ARHGEF10L: variants seen among roughly 807,000 people sequenced by gnomAD.
ARHGEF10L encodes Rho guanine nucleotide exchange factor 10 like.
Under a neutral mutation model 141.2 loss-of-function variants are expected in ARHGEF10L, and 69 were observed. The observed-to-expected ratio is 0.49, with a 90% CI of 0.40 to 0.60. The LOEUF is 0.60. ARHGEF10L is among the 20% of genes least tolerant of loss of function. ARHGEF10L has a pLI of 0.00. For missense variants in ARHGEF10L, 1,482 were observed against 1,734.3 expected (o/e 0.85, Z 2.58); for synonymous variants, 711 against 718.5 (o/e 0.99, Z 0.17).
chr1:17,593,660 G>A (rs1193339), intron 4 of ARHGEF10L, among the ~76,000 whole-genome samples: 129,715 of 152,046 alleles, frequency 0.85, 56,176 homozygotes, highest in Non-Finnish European at 0.93. Context: ...CTCGCTTTTA[G>A]TGAGAGCACA....
intron 3 of ARHGEF10L, 82 bp downstream of exon 3, chr1:17,587,727 G>GC: frequency 7.0e-7 from 1 of 1,438,416 alleles, no homozygotes; most frequent in Non-Finnish European, 9.3e-7. Flanking sequence ...TCTCAGGGAT[G>GC]CCTGGTGGCC....
chr1:17,548,671 T>TTTTTA (rs1235204359), intron 1 of ARHGEF10L, among the ~76,000 whole-genome samples: 1 of 146,900 alleles, frequency 6.8e-6, no homozygotes. Context: ...TTTTTTTTTT[T>TTTTTA]GAGACAGCAT....
the ARHGEF10L span, among the ~76,000 whole-genome samples, chr1:17,520,523 G>C: frequency 9.9e-5 from 15 of 152,230 alleles, no homozygotes; most frequent in Non-Finnish European, 2.1e-4. Flanking sequence ...ATCTTTTGGA[G>C]GTCGTGGGGG....
chr1:17,685,176 A>G (rs2064459402), intron 26 of ARHGEF10L, among the ~76,000 whole-genome samples: 1 of 152,224 alleles, frequency 6.6e-6, no homozygotes, highest in Admixed American at 6.5e-5. Flanking sequence ...CGGGGGCTGG[A>G]CAAAGAAGCC....
chr1:17,579,009 G>T (rs1438784708), intron 1 of ARHGEF10L, among the ~76,000 whole-genome samples: 2 of 151,964 alleles, frequency 1.3e-5, no homozygotes, highest in Non-Finnish European at 2.9e-5. Flanking sequence ...AGGGTGGGAG[G>T]TTGACTAACT....
the ARHGEF10L span, among the ~76,000 whole-genome samples, chr1:17,519,898 C>T: frequency 2.0e-5 from 3 of 152,048 alleles, no homozygotes; most frequent in Non-Finnish European, 4.4e-5. Context: ...TGCATGATGT[C>T]ACATGGCTGG....
chr1:17,633,164 C>A (rs1005068641), intron 16 of ARHGEF10L, among the ~76,000 whole-genome samples: 3 of 152,208 alleles, frequency 2.0e-5, no homozygotes, highest in South Asian at 2.1e-4. Context: ...GTGGGCCTGG[C>A]ACTGGGGCTT....
In ARHGEF10L at chr1:17,573,512, C is replaced by T. The variant is rs1299229248; in HGVS notation, c.-43-7041C>T. ...GTGGCTTCCTCCGGCACTTCAGCTT[C>T]TTCACTCCTTCTGCTGGGCTGGATC... On this transcript the variant is annotated intron_variant, in intron 1 of 28. Coordinates refer to ENST00000361221, the MANE Select transcript of ARHGEF10L (RefSeq NM_018125.4). The surrounding 1 kb of genome is among the most constrained non-coding windows in gnomAD (Gnocchi z 4.8). Among the ~76,000 whole-genome samples, 4 of 152,148 alleles carry T rather than the reference C, an allele frequency of 2.6e-5. No individual in the cohort carries two copies. The highest frequency in any genetic ancestry group is 6.5e-5 in the Admixed American group (1 of 15,280).
At chr1:17,686,122 T>C (rs1446981673) in intron 26 of ARHGEF10L, among the ~76,000 whole-genome samples, 1 of 149,994 alleles carries the variant, frequency 6.7e-6, no homozygotes, top group Non-Finnish European at 1.5e-5. Context: ...TTTTTGCATT[T>C]TCTGTAGCAT....
At chr1:17,649,752 G>A (rs1392346667) in intron 22 of ARHGEF10L, among the ~76,000 whole-genome samples, 3 of 152,220 alleles carry the variant, frequency 2.0e-5, no homozygotes, top group African/African-American at 7.2e-5. Flanking sequence ...TACGTGGGTG[G>A]GCTGAGGTTC....
chr1:17,697,751 C>T lies in ARHGEF10L; in HGVS notation c.*371C>T, dbSNP rs1243247037. On this transcript the variant is annotated 3_prime_UTR_variant, in exon 29 of 29. Coordinates refer to ENST00000361221, the MANE Select transcript of ARHGEF10L (RefSeq NM_018125.4). This position sits in a 1 kb window ranked among gnomAD's most constrained non-coding sequence, Gnocchi z 4.8. ...GTGTGAGTGTGTGCGAGTGTGTGGG[C>T]TGGTGTGTGAATATCTATAAATAAG... 1 of 470,866 alleles carries T rather than the reference C, an allele frequency of 2.1e-6. No individual in the cohort carries two copies. The allele number at this position is 470,866 out of a possible 1,614,324, so 29.2% of individuals were successfully genotyped here.
rs2078087621 is a variant in ARHGEF10L, at chr1:17,573,383, T to A, written c.-43-7170T>A. Among the ~76,000 whole-genome samples the A allele has an allele frequency of 6.6e-6, 1 of 152,140 alleles. No individual in the cohort carries two copies. Among genetic ancestry groups the A allele is most frequent in the Non-Finnish European group, 1.5e-5 (1 of 68,020 alleles). ...TGCCAGCTGCTGTCCCCTCTCTGGC[T>A]TCCAGGTGGGAGCCACGGTGCCCCA... is the stretch of plus-strand genomic sequence containing the variant. On this transcript the variant is annotated intron_variant, in intron 1 of 28. Coordinates refer to ENST00000361221, the MANE Select transcript of ARHGEF10L (RefSeq NM_018125.4). The surrounding 1 kb of genome is among the most constrained non-coding windows in gnomAD (Gnocchi z 4.8).
chr1:17,619,343 C>T lies in ARHGEF10L; in HGVS notation c.840C>T (p.Asp280=), dbSNP rs760284537. ...TCGGCCCATCTGACTTTCCAGGTGA[C>T]TCGGAGGAGGAGGACATGGGGCTCC... The part of the protein sequence containing the change: ...SFLHRKDVLG[D]SEEEDMGLLE... Residue 280 remains aspartate (D), a synonymous_variant, in exon 10 of 29, where the codon GAC becomes GAT. Coordinates refer to ENST00000361221, the MANE Select transcript of ARHGEF10L (RefSeq NM_018125.4). The surrounding 1 kb of genome is among the most constrained non-coding windows in gnomAD (Gnocchi z 5.0). 10 of 1,613,068 alleles carry T rather than the reference C, an allele frequency of 6.2e-6. No individual in the cohort carries two copies. Among genetic ancestry groups the T allele is most frequent in the Non-Finnish European group, 7.6e-6 (9 of 1,179,872 alleles).
chr1:17,579,716 G>A (rs2078396403), intron 1 of ARHGEF10L, among the ~76,000 whole-genome samples: 1 of 152,182 alleles, frequency 6.6e-6, no homozygotes, highest in Non-Finnish European at 1.5e-5. Flanking sequence ...TTAGACCAGG[G>A]GGCTGGGTGC....
chr1:17,602,222 A>C lies in ARHGEF10L; in HGVS notation c.349+4A>C. The stretch of plus-strand genomic sequence containing the variant: ...AAGCGGAAGAGTTCCCGTCGCAGTA[A>C]GTCTCCCCTCCGGCCCACCGCCCAC... On this transcript the variant is annotated splice_donor_region_variant and intron_variant, in intron 5 of 28. Transcript: ENST00000361221. The C allele has an allele frequency of 6.4e-7, 1 of 1,563,860 alleles. No individual in the cohort carries two copies. Among genetic ancestry groups the C allele is most frequent in the Non-Finnish European group, 8.7e-7 (1 of 1,154,008 alleles).
At chr1:17,674,118 G>A (rs869526) in intron 26 of ARHGEF10L, among the ~76,000 whole-genome samples, 7,292 of 152,300 alleles carry the variant, frequency 0.048, 299 homozygotes, top group Non-Finnish European at 0.068. Flanking sequence ...TTGTCCTGCA[G>A]TGCAAGTACA....
chr1:17,582,395 C>T (rs553376063), intron 2 of ARHGEF10L, among the ~76,000 whole-genome samples: 1 of 152,362 alleles, frequency 6.6e-6, no homozygotes, highest in African/African-American at 2.4e-5. Flanking sequence ...TCTAATATTG[C>T]TGGCTAGTAT....
At chr1:17,637,131 C>T (rs1019317332) in intron 18 of ARHGEF10L, among the ~76,000 whole-genome samples, 21 of 152,222 alleles carry the variant, frequency 1.4e-4, no homozygotes, top group African/African-American at 3.6e-4. Flanking sequence ...TCATAAGCTC[C>T]GGAAGAATGA....
rs1390843642 is a variant in ARHGEF10L, at chr1:17,625,343, C to A, written c.1318-613C>A. Among the ~76,000 whole-genome samples, 2 of 152,160 alleles carry A rather than the reference C, an allele frequency of 1.3e-5. No homozygotes were observed. The highest frequency in any genetic ancestry group is 2.9e-5 in the Non-Finnish European group (2 of 68,012). On this transcript the variant is annotated intron_variant, in intron 13 of 28. Coordinates refer to ENST00000361221, the MANE Select transcript of ARHGEF10L (RefSeq NM_018125.4). This position sits in a 1 kb window ranked among gnomAD's most constrained non-coding sequence, Gnocchi z 4.5. ...GTTGGGGAGTCCCAGGAGAGAAGGC[C>A]TGAGTGTGCACACTAAGAGGCGGCT...
Sources: gnomAD v4.1 joint callset for allele counts (sites outside exome capture counted in the v4.1 genomes callset) on GRCh38, gnomAD v4.1.1 for gene constraint, Gnocchi (gnomAD v3.1) non-coding constraint, MANE v1.5 for transcripts, NCBI Gene and HGNC (gene_info 2026-07-23, HGNC 2026-07-21) for gene names.